Variants in PTPN12 observed in about 807,000 individuals in gnomAD.
PTPN12 encodes the protein protein tyrosine phosphatase non-receptor type 12.
In PTPN12, 29 loss-of-function variants were observed where a neutral mutation model predicts 97.6. That is an observed-to-expected ratio of 0.30 (90% CI 0.22 to 0.41). PTPN12 has a LOEUF of 0.41. Among genes scored for constraint, PTPN12 ranks in the 10% least tolerant of loss-of-function variants. PTPN12 has a pLI of 1.00. For synonymous variants in PTPN12, 327 were observed against 300.4 expected (o/e 1.09, Z -0.91); for missense variants, 819 against 926.0 (o/e 0.88, Z 1.50).
In PTPN12 at chr7:77,639,289, G is replaced by A; in HGVS notation, c.*9G>A. 2 of 1,607,566 alleles carry A rather than the reference G, an allele frequency of 1.2e-6. No individual in the cohort carries two copies. The highest frequency in any genetic ancestry group is 1.7e-6 in the Non-Finnish European group (2 of 1,175,318). On this transcript the variant is annotated 3_prime_UTR_variant, in exon 18 of 18. Coordinates refer to ENST00000248594, the MANE Select transcript of PTPN12 (RefSeq NM_002835.4). The stretch of plus-strand genomic sequence containing the variant: ...CTTCAGAATGGACATGATTCAGGGA[G>A]CTAGAAGACACTTTAAGTTATACTG...
chr7:77,620,851 G>C (rs1788908825), intron 12 of PTPN12, among the ~76,000 whole-genome samples: 1 of 152,202 alleles, frequency 6.6e-6, no homozygotes, highest in Non-Finnish European at 1.5e-5. Flanking sequence ...GGGAGACTGA[G>C]GCAGGAGAAT....
At chr7:77,590,561 T>G (rs1318060629) in intron 5 of PTPN12, among the ~76,000 whole-genome samples, 1 of 143,978 alleles carries the variant, frequency 6.9e-6, no homozygotes, top group African/African-American at 2.7e-5. Context: ...TTTTAAATCT[T>G]TTTTTTTTTT....
At chr7:77,546,342 A>C (rs1373407318) in intron 1 of PTPN12, among the ~76,000 whole-genome samples, 1 of 152,256 alleles carries the variant, frequency 6.6e-6, no homozygotes, top group Non-Finnish European at 1.5e-5. Flanking sequence ...ATCACAAGAA[A>C]AAAAGCCTTT....
rs1554330538 is a variant in PTPN12, at chr7:77,639,874, C to A, written c.*594C>A. ...AAGTTATTTTTATATTATATACAGT[C>A]TAATTGTTCATCCTAATTGTTCCTG... On this transcript the variant is annotated 3_prime_UTR_variant, in exon 18 of 18. Transcript: ENST00000248594. 6.6e-6 allele frequency: 1 copy of A among 152,506 alleles called. No homozygotes were observed. The highest frequency in any genetic ancestry group is 1.5e-5 in the Non-Finnish European group (1 of 68,024). The allele number at this position is 152,506 out of a possible 1,614,324, so 9.4% of individuals were successfully genotyped here.
chr7:77,544,365 C>A (rs1010750002), intron 1 of PTPN12, among the ~76,000 whole-genome samples: 5 of 152,158 alleles, frequency 3.3e-5, no homozygotes, highest in African/African-American at 4.8e-5. Flanking sequence ...GTTTTCTTAT[C>A]CATCCTTTGA....
At chr7:77,582,783 CAAA>C (rs374857749) in intron 3 of PTPN12, among the ~76,000 whole-genome samples, 2 of 98,702 alleles carry the variant, frequency 2.0e-5, no homozygotes, top group Non-Finnish European at 2.1e-5. Context: ...GACTCCGTCT[CAAA>C]AAAAAAAAAA....
intron 9 of PTPN12, among the ~76,000 whole-genome samples, chr7:77,609,854 C>T (rs1277473479): frequency 1.3e-4 from 20 of 150,396 alleles, no homozygotes; most frequent in African/African-American, 3.9e-4. Context: ...GTACTCCAGC[C>T]TGGGCGACAG....
intron 1 of PTPN12, among the ~76,000 whole-genome samples, chr7:77,556,070 T>C (rs1398890702): frequency 9.0e-6 from 1 of 111,712 alleles, no homozygotes; most frequent in Non-Finnish European, 1.8e-5. Flanking sequence ...TTTGTTTGTT[T>C]GTTTGTGTGA....
intron 1 of PTPN12, among the ~76,000 whole-genome samples, chr7:77,564,744 G>GTTTT (rs1329627463): frequency 2.3e-4 from 8 of 34,360 alleles, no homozygotes; most frequent in East Asian, 1.3e-3. Flanking sequence ...TTTTGTTGTC[G>GTTTT]TGTTTTTTTT....
At chr7:77,594,172 A>G (rs1010416133) in intron 6 of PTPN12, among the ~76,000 whole-genome samples, 8 of 152,136 alleles carry the variant, frequency 5.3e-5, no homozygotes, top group African/African-American at 1.9e-4. Flanking sequence ...TAAATGTAAA[A>G]ATTTTAGGCC....
intron 2 of PTPN12, among the ~76,000 whole-genome samples, chr7:77,579,837 A>G (rs1340939569): frequency 6.6e-6 from 1 of 152,234 alleles, no homozygotes; most frequent in Non-Finnish European, 1.5e-5. Flanking sequence ...ACCAATAAAT[A>G]GATTAAAACA....
chr7:77,572,098 CT>C (rs35269832), intron 2 of PTPN12, among the ~76,000 whole-genome samples: 2,886 of 133,224 alleles, frequency 0.022, 71 homozygotes, highest in African/African-American at 0.071. Flanking sequence ...TTCTTGGTGA[CT>C]TTTTTTTTTT....
At chr7:77,547,718 A>C (rs1204971019) in intron 1 of PTPN12, among the ~76,000 whole-genome samples, 1 of 152,244 alleles carries the variant, frequency 6.6e-6, no homozygotes, top group East Asian at 1.9e-4. Context: ...AATCTGTCTG[A>C]ATAGATCATG....
chr7:77,598,351 C>T (rs1788086279), intron 7 of PTPN12, among the ~76,000 whole-genome samples: 1 of 152,124 alleles, frequency 6.6e-6, no homozygotes, highest in South Asian at 2.1e-4. Context: ...TTATACAATA[C>T]ACCCATGTAA....
intron 8 of PTPN12, among the ~76,000 whole-genome samples, chr7:77,605,409 G>GTTTTTTTTTTTTTTTTTTTTTT (rs751962814): frequency 2.1e-5 from 2 of 95,560 alleles, no homozygotes; most frequent in African/African-American, 8.3e-5. Context: ...TTTGTCATGA[G>GTTTTTTTTTTTTTTTTTTTTTT]TTTTTTTTTT....
At chr7:77,537,679 C>T in intron 1 of PTPN12, 34 bp downstream of exon 1, 1 of 1,551,962 alleles carries the variant, frequency 6.4e-7, no homozygotes, top group Non-Finnish European at 8.7e-7. Flanking sequence ...CGTTTTCTTG[C>T]CGGCGCCGGA....
In PTPN12 at chr7:77,572,054, C is replaced by CT. The variant is rs376631590; in HGVS notation, c.208+870dup. ...ATCATTTCCTCAATTCTTATTCAGT[C>CT]TTAAAGGTTGTTCTCTCTAAAATGC... is the stretch of plus-strand genomic sequence containing the variant. On this transcript the variant is annotated intron_variant, in intron 2 of 17. Coordinates refer to ENST00000248594, the MANE Select transcript of PTPN12 (RefSeq NM_002835.4). Among the ~76,000 whole-genome samples the CT allele has an allele frequency of 3.9e-3, 581 of 149,668 alleles. 2 individuals carry two copies. Among genetic ancestry groups the CT allele is most frequent in the African/African-American group, 0.014 (560 of 40,986 alleles).
At chr7:77,618,601 T>C (rs770812352) in intron 12 of PTPN12, 36 bp downstream of exon 12, 4 of 1,286,978 alleles carry the variant, frequency 3.1e-6, no homozygotes, top group Non-Finnish European at 2.2e-6. Flanking sequence ...TTTAAAAGCA[T>C]ACTTGTTTCT....
At chr7:77,576,851 C>T (rs1787359937) in intron 2 of PTPN12, among the ~76,000 whole-genome samples, 1 of 152,192 alleles carries the variant, frequency 6.6e-6, no homozygotes, top group Non-Finnish European at 1.5e-5. Context: ...CTAAGGGTGC[C>T]ACTTAACAAA....
Sources: gnomAD v4.1 joint callset for allele counts (sites outside exome capture counted in the v4.1 genomes callset) on GRCh38, gnomAD v4.1.1 for gene constraint, MANE v1.5 for transcripts, NCBI Gene and HGNC (gene_info 2026-07-23, HGNC 2026-07-21) for gene names.